The following OR51G2 variants were observed in gnomAD, a reference collection of about 807,000 sequenced individuals.
OR51G2 encodes olfactory receptor family 51 subfamily G member 2, also known as olfactory receptor 51G2.
Under a neutral mutation model 11.8 loss-of-function variants are expected in OR51G2, and 13 were observed. The ratio of observed to expected loss-of-function variants is 1.10; its 90% CI spans 0.72 to 1.76. The LOEUF is 1.76. Among genes scored for constraint, OR51G2 ranks in the 40% most tolerant of loss-of-function variants. OR51G2 has a pLI of 0.00. For synonymous variants in OR51G2, 178 were observed against 151.9 expected (o/e 1.17, Z -1.26); for missense variants, 474 against 394.4 (o/e 1.20, Z -1.71).
Position 4,915,046 on chromosome 11 carries a change from A to G in OR51G2, c.618T>C (p.Phe206=). ...CTATACCCACTGTAGAGACGATGAC[A>G]AACATGCCGTAGATGCTGTTGGCCT... ...DMKANSIYGM[F]VIVSTVGIDS... Residue 206 remains phenylalanine (F), a synonymous_variant, in exon 2 of 2, where the codon TTT becomes TTC. Transcript: ENST00000641926. 3 of 1,614,106 alleles carry G rather than the reference A, an allele frequency of 1.9e-6. No homozygotes were observed. Among genetic ancestry groups the G allele is most frequent in the Non-Finnish European group, 2.5e-6 (3 of 1,180,016 alleles).
rs754454942 is a variant in OR51G2, at chr11:4,915,055, G to T, written c.609C>A (p.Tyr203Ter). ...ACADMKANSI[Y>*]GMFVIVSTVG... ...CTGTAGAGACGATGACAAACATGCC[G>T]TAGATGCTGTTGGCCTTCATGTCGG... Residue 203 changes from tyrosine (Y) to a stop codon, truncating the protein, a stop_gained, in exon 2 of 2, where the codon TAC becomes TAA. Transcript: ENST00000641926. LOFTEE classifies it high-confidence loss of function. 1.2e-6 allele frequency: 2 copies of T among 1,614,100 alleles called. No individual in the cohort carries two copies. The highest frequency in any genetic ancestry group is 1.7e-6 in the Non-Finnish European group (2 of 1,180,010).
chr11:4,914,533 T>G lies in OR51G2; in HGVS notation c.*186A>C, dbSNP rs1589937337. 7 of 537,038 alleles carry G rather than the reference T, an allele frequency of 1.3e-5. No individual in the cohort carries two copies. The highest frequency in any genetic ancestry group is 1.6e-5 in the Non-Finnish European group (5 of 303,512). The allele number at this position is 537,038 out of a possible 1,614,324, so 33.3% of individuals were successfully genotyped here. A position where few individuals can be genotyped will look rare whatever the true frequency, so the allele number is the denominator to read the frequency against. On this transcript the variant is annotated 3_prime_UTR_variant, in exon 2 of 2. Transcript: ENST00000641926. ...TTAGAAAATAAAATTTACCACATCA[T>G]ATTACATTTTACCCCCCCCTGCCCT...
rs1444678044 is a variant in OR51G2 at position 4,915,676 on chromosome 11, C to G, written c.-13G>C. On this transcript the variant is annotated 5_prime_UTR_variant, in exon 2 of 2. Coordinates refer to ENST00000641926, the MANE Select transcript of OR51G2 (RefSeq NM_001005238.2). The stretch of plus-strand genomic sequence containing the variant: ...ATCCCAGGGTCATTGTGTGAGGAGA[C>G]AAGGGGGAAGGTGGGTGCCCTCCAA... The G allele has an allele frequency of 6.3e-7, 1 of 1,596,010 alleles. No homozygotes were observed. Among genetic ancestry groups the G allele is most frequent in the Non-Finnish European group, 8.6e-7 (1 of 1,168,562 alleles).
chr11:4,915,279 CA>C lies in OR51G2; in HGVS notation c.384del (p.Phe128LeufsTer31). ...TAGTGCAAGGGGTGGCAGATAGCCACAAAGCGGTCAAAGGCCATAGACAGTA... is the reference window on the plus strand; with the variant it reads ...TAGTGCAAGGGGTGGCAGATAGCCACAAGCGGTCAAAGGCCATAGACAGTA... Reference protein sequence around the residue: ...SVLLSMAFDRFVAICHPLHYV... With the variant: ...SVLLSMAFDRXVAICHPLHYV... On this transcript the variant is annotated frameshift_variant, in exon 2 of 2. Transcript: ENST00000641926. LOFTEE classifies it high-confidence loss of function. The C allele has an allele frequency of 1.2e-6, 2 of 1,613,864 alleles. No individual in the cohort carries two copies. Among genetic ancestry groups the C allele is most frequent in the Non-Finnish European group, 1.7e-6 (2 of 1,179,998 alleles).
Position 4,914,453 on chromosome 11 carries a change from G to A in OR51G2, c.*266C>T. On this transcript the variant is annotated 3_prime_UTR_variant, in exon 2 of 2. Coordinates refer to ENST00000641926, the MANE Select transcript of OR51G2 (RefSeq NM_001005238.2). ...GAAGTAGACCCTATCTCTTTATGAG[G>A]AGTAGCAAGTTCCTGGAAGAGCATG... is the stretch of plus-strand genomic sequence containing the variant. The A allele has an allele frequency of 9.9e-6, 4 of 402,620 alleles. No homozygotes were observed. The allele number at this position is 402,620 out of a possible 1,614,324, so 24.9% of individuals were successfully genotyped here.
intron 1 of OR51G2, among the ~76,000 whole-genome samples, chr11:4,918,665 T>C (rs1851135003): frequency 6.6e-6 from 1 of 152,142 alleles, no homozygotes; most frequent in African/African-American, 2.4e-5. Context: ...AAAGCAGCTG[T>C]CCAGGATACA....
At chr11:4,917,755 G>A (rs1851119952) in intron 1 of OR51G2, among the ~76,000 whole-genome samples, 1 of 152,018 alleles carries the variant, frequency 6.6e-6, no homozygotes. Context: ...GTGTTCTGTA[G>A]AATCAGGTTT....
At chr11:4,918,238 T>G (rs143189918) in intron 1 of OR51G2, among the ~76,000 whole-genome samples, 1 of 152,230 alleles carries the variant, frequency 6.6e-6, no homozygotes, top group Non-Finnish European at 1.5e-5. Context: ...AGGCACATAC[T>G]GAGAAGTTGG....
chr11:4,917,149 A>AT (rs1351596501), intron 1 of OR51G2, among the ~76,000 whole-genome samples: 3 of 59,332 alleles, frequency 5.1e-5, no homozygotes, highest in Non-Finnish European at 1.1e-4. Flanking sequence ...GATGCCAAGA[A>AT]TGTTTTTTTG....
rs764572822 is a variant in OR51G2, at chr11:4,914,742, C to T, written c.922G>A (p.Val308Met). 9 of 1,612,480 alleles carry T rather than the reference C, an allele frequency of 5.6e-6. No homozygotes were observed. In the Admixed American group the frequency reaches 1.2e-4, roughly 21 times the overall value. ...SVKTKQIRDR[V>M]THAFCY is the part of the protein sequence containing the mutation. ...AGTTAGTAACAAAAGGCATGCGTCA[C>T]TCGATCCCGGATCTGTTTGGTCTTC... The change falls in exon 2 of 2, where the codon GTG (valine) becomes ATG (methionine). Residue 308 changes from valine to methionine, a missense_variant. Coordinates refer to ENST00000641926, the MANE Select transcript of OR51G2 (RefSeq NM_001005238.2).
Position 4,915,313 on chromosome 11 carries a change from G to C in OR51G2, c.351C>G (p.Ser117=). The C allele has an allele frequency of 1.2e-6, 2 of 1,613,988 alleles. No homozygotes were observed. The highest frequency in any genetic ancestry group is 1.7e-6 in the Non-Finnish European group (2 of 1,179,998). The change falls in exon 2 of 2, where the codon TCC becomes TCG. Residue 117 remains serine, a synonymous_variant. Coordinates refer to ENST00000641926, the MANE Select transcript of OR51G2 (RefSeq NM_001005238.2). The stretch of plus-strand genomic sequence containing the variant: ...CAAAGGCCATAGACAGTAGCACAGA[G>C]GACTCGAGGAAGGAGAAGCAGTGAA... The part of the protein sequence containing the change: ...FFIHCFSFLE[S]SVLLSMAFDR...
Position 4,914,756 on chromosome 11 carries a change from T to G in OR51G2, c.908A>C (p.Gln303Pro). 6.2e-7 allele frequency: 1 copy of G among 1,613,680 alleles called. No homozygotes were observed. Among genetic ancestry groups the G allele is most frequent in the Non-Finnish European group, 8.5e-7 (1 of 1,179,694 alleles). The change falls in exon 2 of 2, where the codon CAG (glutamine) becomes CCG (proline). Residue 303 changes from glutamine (Q) to proline (P), a missense_variant. Physicochemically the swap from Gln to Pro is moderately conservative, Grantham distance 76 (BLOSUM62 -1). Transcript: ENST00000641926. ...GGCATGCGTCACTCGATCCCGGATC[T>G]GTTTGGTCTTCACACTGTAGACAAT... ...NPIVYSVKTK[Q>P]IRDRVTHAFC...
chr11:4,915,612 G>T lies in OR51G2; in HGVS notation c.52C>A (p.Leu18Met). Residue 18 changes from leucine to methionine, a missense_variant, in exon 2 of 2, where the codon CTG becomes ATG. Transcript: ENST00000641926. ...NSSSSVSATF[L>M]LSGIPGLERM... ...TCCAGCCCAGGGATGCCACTCAGCA[G>T]GAAGGTAGCAGAAACGCTGCTGCTG... The T allele has an allele frequency of 6.2e-7, 1 of 1,614,064 alleles. No homozygotes were observed. Among genetic ancestry groups the T allele is most frequent in the Non-Finnish European group, 8.5e-7 (1 of 1,179,976 alleles).
Position 4,915,523 on chromosome 11 carries a change from G to T in OR51G2, c.141C>A (p.Asn47Lys), listed in dbSNP as rs1488085935. The T allele has an allele frequency of 3.7e-6, 6 of 1,614,148 alleles. No homozygotes were observed. The highest frequency in any genetic ancestry group is 5.1e-6 in the Non-Finnish European group (6 of 1,180,016). Residue 47 changes from asparagine to lysine, a missense_variant, in exon 2 of 2, where the codon AAC (asparagine) becomes AAA (lysine). Physicochemically the swap from Asn to Lys is moderately conservative, Grantham distance 94. Transcript: ENST00000641926. ...CFMYLVSIPG[N>K]CTILFIIKTE... ...TTTTAATGATAAAAAGAATTGTGCAGTTGCCCGGGATGGAAACCAGATACA... is the reference window on the plus strand; with the variant it reads ...TTTTAATGATAAAAAGAATTGTGCATTTGCCCGGGATGGAAACCAGATACA...
chr11:4,919,124 A>C (rs575590133), intron 1 of OR51G2, 53 bp downstream of exon 1: 1 of 152,216 alleles, frequency 6.6e-6, no homozygotes, highest in Non-Finnish European at 1.5e-5. Flanking sequence ...AGCTGGTGCT[A>C]AGATCAGACC....
chr11:4,915,007 G>A lies in OR51G2; in HGVS notation c.657C>T (p.Ile219=), dbSNP rs747452494. 3 of 1,613,954 alleles carry A rather than the reference G, an allele frequency of 1.9e-6. No individual in the cohort carries two copies. Among genetic ancestry groups the A allele is most frequent in the Non-Finnish European group, 1.7e-6 (2 of 1,180,030 alleles). The change falls in exon 2 of 2, where the codon ATC becomes ATT. Residue 219 remains isoleucine (I), a synonymous_variant. Transcript: ENST00000641926. ...VSTVGIDSLL[I]LFSYALILRT... ...GCAGGATCAGAGCATAAGAGAAGAG[G>A]ATGAGCAGTGAGTCTATACCCACTG...
Position 4,915,463 on chromosome 11 carries a change from G to T in OR51G2, c.201C>A (p.Phe67Leu). Residue 67 changes from phenylalanine (F) to leucine (L), a missense_variant, in exon 2 of 2, where the codon TTC becomes TTA. Physicochemically the swap from Phe to Leu is conservative, Grantham distance 22. Coordinates refer to ENST00000641926, the MANE Select transcript of OR51G2 (RefSeq NM_001005238.2). Reference protein sequence around the residue: ...ERSLHEPMYLFLSMLALIDLG... With the variant: ...ERSLHEPMYLLLSMLALIDLG... Reference sequence around the variant, plus strand: ...GGTCAATCAGAGCCAGCATGGACAGGAAGAGATACATAGGTTCATGAAGTG... The same window carrying T: ...GGTCAATCAGAGCCAGCATGGACAGTAAGAGATACATAGGTTCATGAAGTG... The T allele has an allele frequency of 2.5e-6, 4 of 1,614,138 alleles. No individual in the cohort carries two copies. The highest frequency in any genetic ancestry group is 3.4e-6 in the Non-Finnish European group (4 of 1,180,028).
chr11:4,916,213 G>T (rs1320510505), intron 1 of OR51G2, among the ~76,000 whole-genome samples: 2 of 151,646 alleles, frequency 1.3e-5, no homozygotes, highest in African/African-American at 2.4e-5. Flanking sequence ...TGGCACTGTG[G>T]GTTGGCAGTG....
At chr11:4,917,034 C>T (rs1353745224) in intron 1 of OR51G2, among the ~76,000 whole-genome samples, 1 of 152,162 alleles carries the variant, frequency 6.6e-6, no homozygotes. Flanking sequence ...CAGTGATCTT[C>T]CATTCTCAAT....
Sources: allele counts gnomAD v4.1 joint callset (sites outside exome capture counted in the v4.1 genomes callset), GRCh38; gene constraint gnomAD v4.1.1; transcripts MANE v1.5; gene names NCBI Gene and HGNC (gene_info 2026-07-23, HGNC 2026-07-21).